Variants in ARB2A observed in about 807,000 individuals in gnomAD.
The protein encoded by ARB2A is cotranscriptional regulator ARB2A.
At chr5:93,954,127 C>T in the ARB2A span, among the ~76,000 whole-genome samples, 1 of 152,074 alleles carries the variant, frequency 6.6e-6, no homozygotes, top group East Asian at 1.9e-4. Flanking sequence ...CCACTATGGC[C>T]GAGCTGGTAC....
chr5:93,930,628 C>T, the ARB2A span, among the ~76,000 whole-genome samples: 23 of 152,240 alleles, frequency 1.5e-4, no homozygotes. Flanking sequence ...GTAAGAAGAG[C>T]ACCAGATGAG....
chr5:93,824,631 C>T, the ARB2A span, among the ~76,000 whole-genome samples: 2 of 152,090 alleles, frequency 1.3e-5, no homozygotes, highest in African/African-American at 4.8e-5. Context: ...ACATTATTAA[C>T]TGAAGAAAAG....
the ARB2A span, among the ~76,000 whole-genome samples, chr5:93,869,236 G>A: frequency 6.6e-6 from 1 of 152,276 alleles, no homozygotes; most frequent in East Asian, 1.9e-4. Flanking sequence ...GGAGACAGAG[G>A]GCCTTAAGTT....
the ARB2A span, among the ~76,000 whole-genome samples, chr5:93,986,779 T>C: frequency 6.6e-6 from 1 of 152,128 alleles, no homozygotes; most frequent in African/African-American, 2.4e-5. Context: ...TTAAGGGCGG[T>C]GCAAGATGTG....
chr5:93,854,071 TG>T, the ARB2A span, among the ~76,000 whole-genome samples: 1 of 152,220 alleles, frequency 6.6e-6, no homozygotes, highest in Non-Finnish European at 1.5e-5. Flanking sequence ...AATTTGGCTC[TG>T]AATCCATCTG....
chr5:94,065,767 A>G, the ARB2A span, among the ~76,000 whole-genome samples: 25 of 152,356 alleles, frequency 1.6e-4, no homozygotes, highest in African/African-American at 5.3e-4. Flanking sequence ...ATAGATTCCA[A>G]TAAAATAATA....
At chr5:93,939,123 G>A in the ARB2A span, among the ~76,000 whole-genome samples, 1 of 152,068 alleles carries the variant, frequency 6.6e-6, no homozygotes, top group Non-Finnish European at 1.5e-5. Context: ...GTATGAATAA[G>A]CAAGTATTTA....
At chr5:93,930,688 C>T in the ARB2A span, among the ~76,000 whole-genome samples, 1 of 151,912 alleles carries the variant, frequency 6.6e-6, no homozygotes, top group South Asian at 2.1e-4. Context: ...TAAGAAAAAC[C>T]CTCTTCTTGT....
the ARB2A span, among the ~76,000 whole-genome samples, chr5:93,675,965 C>T: frequency 1.3e-5 from 2 of 152,158 alleles, no homozygotes; most frequent in African/African-American, 4.8e-5. Context: ...CTTTGGAATG[C>T]TGGGAGCTTA....
At chr5:93,893,779 A>G in the ARB2A span, among the ~76,000 whole-genome samples, 1 of 152,198 alleles carries the variant, frequency 6.6e-6, no homozygotes, top group Admixed American at 6.6e-5. Flanking sequence ...GTGGCTGTAT[A>G]AAATTATTTT....
chr5:94,008,135 A>T, the ARB2A span, among the ~76,000 whole-genome samples: 3 of 152,200 alleles, frequency 2.0e-5, no homozygotes, highest in Non-Finnish European at 4.4e-5. Context: ...CTACAAAGAG[A>T]GAAGCATTTC....
chr5:94,094,718 C>T, the ARB2A span, among the ~76,000 whole-genome samples: 7 of 152,078 alleles, frequency 4.6e-5, no homozygotes, highest in Non-Finnish European at 7.4e-5. Flanking sequence ...GGGTTTTTTG[C>T]ACCTAGAGAG....
the ARB2A span, among the ~76,000 whole-genome samples, chr5:93,764,411 C>A: frequency 6.6e-6 from 1 of 152,174 alleles, no homozygotes; most frequent in Non-Finnish European, 1.5e-5. Context: ...TCAGAGAATA[C>A]TATAAACACC....
At chr5:93,643,029 G>C in the ARB2A span, among the ~76,000 whole-genome samples, 1 of 152,148 alleles carries the variant, frequency 6.6e-6, no homozygotes, top group Admixed American at 6.5e-5. Context: ...GTCTGTGCTA[G>C]CCTGGCTTGC....
chr5:93,674,502 G>T, the ARB2A span, among the ~76,000 whole-genome samples: 1 of 152,168 alleles, frequency 6.6e-6, no homozygotes. Flanking sequence ...GACTCAAGAG[G>T]TATATTGAAT....
chr5:94,048,997 A>T, the ARB2A span, among the ~76,000 whole-genome samples: 7 of 152,200 alleles, frequency 4.6e-5, no homozygotes. Flanking sequence ...TATATTCTTT[A>T]TGTGATAATT....
the ARB2A span, among the ~76,000 whole-genome samples, chr5:93,830,315 A>ATATATATG: frequency 4.7e-5 from 2 of 42,338 alleles, no homozygotes; most frequent in Non-Finnish European, 8.2e-5. Context: ...GTGTGTGTAT[A>ATATATATG]TATATATATA....
the ARB2A span, among the ~76,000 whole-genome samples, chr5:93,831,681 T>C: frequency 6.6e-6 from 1 of 151,984 alleles, no homozygotes; most frequent in Non-Finnish European, 1.5e-5. Context: ...ATTTTGTGAG[T>C]CACAGGATTT....
chr5:93,776,838 T>G, the ARB2A span, among the ~76,000 whole-genome samples: 1 of 152,024 alleles, frequency 6.6e-6, no homozygotes, highest in African/African-American at 2.4e-5. Context: ...TGCAATATAT[T>G]TCCAAGTGAA....
Sources: gnomAD v4.1 joint callset for allele counts (sites outside exome capture counted in the v4.1 genomes callset) on GRCh38, gnomAD v4.1.1 for gene constraint, MANE v1.5 for transcripts, NCBI Gene and HGNC (gene_info 2026-07-23, HGNC 2026-07-21) for gene names.